NADSYN1: variants seen among roughly 807,000 people sequenced by gnomAD.
The protein encoded by NADSYN1 is glutamine-dependent NAD(+) synthetase.
A neutral mutation model predicts 99.3 loss-of-function variants in NADSYN1; 80 were observed. The ratio of observed to expected loss-of-function variants is 0.81; its 90% CI spans 0.67 to 0.97. NADSYN1 has a LOEUF of 0.97. NADSYN1 is among the 50% of genes least tolerant of loss of function. The pLI is 0.00. For missense variants in NADSYN1, 859 were observed against 948.5 expected (o/e 0.91, Z 1.24); for synonymous variants, 385 against 372.1 (o/e 1.03, Z -0.40).
intron 20 of NADSYN1, chr11:71,499,883 A>G (rs1565609636): frequency 6.6e-6 from 1 of 152,174 alleles, no homozygotes; most frequent in Non-Finnish European, 1.5e-5. Context: ...AAAAAATACA[A>G]CAATTAGCCA....
intron 5 of NADSYN1, among the ~76,000 whole-genome samples, chr11:71,467,714 A>G (rs1019584775): frequency 3.9e-5 from 6 of 152,230 alleles, no homozygotes; most frequent in Non-Finnish European, 8.8e-5. Context: ...AGAGACATTA[A>G]GAAACATGAG....
At chr11:71,462,450 G>A (rs555572825) in intron 3 of NADSYN1, among the ~76,000 whole-genome samples, 1 of 152,222 alleles carries the variant, frequency 6.6e-6, no homozygotes, top group Non-Finnish European at 1.5e-5. Flanking sequence ...AGTTGGTCCT[G>A]CCTTTCCAGT....
At chr11:71,472,644 C>G in intron 6 of NADSYN1, 144 bp downstream of exon 6, 1 of 768,320 alleles carries the variant, frequency 1.3e-6, no homozygotes. Context: ...ACAAAGGAGG[C>G]AGGTTCCTAT....
At position 71,472,277 on chromosome 11, in the gene NADSYN1, C is replaced by CT. The variant is rs200618528; in HGVS notation, c.408-168dup. Among the ~76,000 whole-genome samples the CT allele has an allele frequency of 3.3e-3, 500 of 152,328 alleles. 4 individuals carry two copies. Among genetic ancestry groups the CT allele is most frequent in the African/African-American group, 0.011 (456 of 41,572 alleles). On this transcript the variant is annotated intron_variant, in intron 5 of 20. Transcript: ENST00000319023. ...AGTCTCCTCAAGCCACCTTCATACT[C>CT]TTTTCTTTTTACCTGAATGCGATTG...
In NADSYN1 at chr11:71,477,182, T is replaced by C. The variant is rs1291202200; in HGVS notation, c.799-1213T>C. 3.4e-6 allele frequency: 4 copies of C among 1,175,958 alleles called. No individual in the cohort carries two copies. The African/African-American group carries it at 4.8e-5, about 14-fold the overall frequency. The allele number at this position is 1,175,958 out of a possible 1,614,324, so 72.8% of individuals were successfully genotyped here. A position where few individuals can be genotyped will look rare whatever the true frequency, so the allele number is the denominator to read the frequency against. ...TCAGGGTCTTCCTAATCCCCTGGGC[T>C]TTCCGGCTTGTCGTGTGCCTGGAGT... On this transcript the variant is annotated intron_variant, in intron 9 of 20. Transcript: ENST00000319023.
At chr11:71,465,622 A>T (rs375343340) in intron 5 of NADSYN1, among the ~76,000 whole-genome samples, 1 of 152,234 alleles carries the variant, frequency 6.6e-6, no homozygotes, top group South Asian at 2.1e-4. Context: ...AGATGCTCCC[A>T]GTTGTGACAA....
intron 16 of NADSYN1, among the ~76,000 whole-genome samples, chr11:71,487,975 G>C (rs1056305810): frequency 8.5e-5 from 13 of 152,088 alleles, no homozygotes; most frequent in Non-Finnish European, 1.3e-4. Context: ...CCTTCTCTCT[G>C]TTTCCCATGC....
In NADSYN1 at chr11:71,497,472, G is replaced by A; in HGVS notation, c.1765-11G>A. On this transcript the variant is annotated splice_polypyrimidine_tract_variant and intron_variant, in intron 18 of 20. Transcript: ENST00000319023. ...TGCTGTCATCATGGAACAGATTTTT[G>A]TTGTGCACAGGAAGATATGGGGATG... 1 of 1,613,910 alleles carries A rather than the reference G, an allele frequency of 6.2e-7. No homozygotes were observed. Among genetic ancestry groups the A allele is most frequent in the Non-Finnish European group, 8.5e-7 (1 of 1,179,934 alleles).
Position 71,490,990 on chromosome 11 carries a change from C to A in NADSYN1, c.1694+14C>A. 6.2e-7 allele frequency: 1 copy of A among 1,613,598 alleles called. No homozygotes were observed. The highest frequency in any genetic ancestry group is 8.5e-7 in the Non-Finnish European group (1 of 1,179,724). On this transcript the variant is annotated intron_variant, in intron 17 of 20. Transcript: ENST00000319023. ...TGCCCTGCAGAGGTGAGTGTGCTCA[C>A]GGGCTGTGGCTCCACAGCCACGGGG...
intron 10 of NADSYN1, chr11:71,479,432 A>G (rs1399709184): frequency 6.6e-6 from 1 of 151,920 alleles, no homozygotes. Context: ...TGTATTTGCC[A>G]TACCACCCAA....
intron 16 of NADSYN1, 23 bp from the exon 17 acceptor site, chr11:71,490,822 G>C: frequency 6.2e-7 from 1 of 1,613,184 alleles, no homozygotes; most frequent in Non-Finnish European, 8.5e-7. Context: ...GGGAACCCGC[G>C]CTCTTTCTCC....
At chr11:71,463,915 GGA>G (rs1173588965) in intron 4 of NADSYN1, 136 bp from the exon 5 acceptor site, 1 of 647,944 alleles carries the variant, frequency 1.5e-6, no homozygotes, top group African/African-American at 1.8e-5. Context: ...GCCCAGAGAA[GGA>G]GAGAGATTTG....
intron 20 of NADSYN1, 45 bp downstream of exon 20, chr11:71,498,573 A>G: frequency 6.3e-7 from 1 of 1,595,662 alleles, no homozygotes; most frequent in South Asian, 1.1e-5. Context: ...TCATGTCTGT[A>G]GAAGAAACGT....
intron 20 of NADSYN1, chr11:71,500,066 A>C (rs1281149832): frequency 6.6e-6 from 1 of 152,194 alleles, no homozygotes; most frequent in Non-Finnish European, 1.5e-5. Context: ...AAAATTAAAA[A>C]CAGTGATAAA....
chr11:71,469,340 T>C (rs1394963502), intron 5 of NADSYN1, among the ~76,000 whole-genome samples: 1 of 152,050 alleles, frequency 6.6e-6, no homozygotes, highest in African/African-American at 2.4e-5. Context: ...GGCGTTGTGG[T>C]GTGCACCTGT....
At chr11:71,460,165 C>T in intron 3 of NADSYN1, 1 of 152,336 alleles carries the variant, frequency 6.6e-6, no homozygotes, top group East Asian at 1.9e-4. Context: ...TGTCCAGAAT[C>T]ATCTCCCATC....
At position 71,484,294 on chromosome 11, in the gene NADSYN1, C is replaced by T. The variant is rs182012965; in HGVS notation, c.1320-18C>T. The stretch of plus-strand genomic sequence containing the variant: ...CACGTGCACATGCTGCCTTCAACGC[C>T]TATCCTTCTCCTTCCAGCCACCACA... On this transcript the variant is annotated intron_variant, in intron 14 of 20. Coordinates refer to ENST00000319023, the MANE Select transcript of NADSYN1 (RefSeq NM_018161.5). 1.0e-4 allele frequency: 164 copies of T among 1,610,844 alleles called. 2 individuals are homozygous for T. In the African/African-American group the frequency reaches 1.9e-3, roughly 19 times the overall value.
At chr11:71,476,805 G>A in intron 9 of NADSYN1, 2 of 985,820 alleles carry the variant, frequency 2.0e-6, no homozygotes, top group South Asian at 4.7e-5. Flanking sequence ...GACCCCCGCA[G>A]GTTCCCGGCC....
At chr11:71,491,725 G>T (rs570570548) in intron 17 of NADSYN1, 109 bp from the exon 18 acceptor site, 1 of 970,316 alleles carries the variant, frequency 1.0e-6, no homozygotes. Flanking sequence ...CACGGTGAAC[G>T]GAGTGGCCGG....
Sources: gnomAD v4.1 joint callset for allele counts (sites outside exome capture counted in the v4.1 genomes callset) on GRCh38, gnomAD v4.1.1 for gene constraint, MANE v1.5 for transcripts, NCBI Gene and HGNC (gene_info 2026-07-23, HGNC 2026-07-21) for gene names.